The following PHF20 variants were observed in gnomAD, a reference collection of about 807,000 sequenced individuals.
The protein encoded by PHF20 is glioma-expressed antigen 2.
Under a neutral mutation model 113.5 loss-of-function variants are expected in PHF20, and 23 were observed. That is an observed-to-expected ratio of 0.20 (90% CI 0.15 to 0.29). The LOEUF (loss-of-function observed/expected upper bound fraction) is 0.29. Among genes scored for constraint, PHF20 ranks in the 10% least tolerant of loss-of-function variants. The pLI, the probability that PHF20 is intolerant of heterozygous loss-of-function variation, is 1.00. For missense variants in PHF20, 943 were observed against 1,219.6 expected (o/e 0.77, Z 3.38); for synonymous variants, 434 against 457.3 (o/e 0.95, Z 0.65).
chr20:35,819,779 G>A (rs113076011), intron 2 of PHF20, among the ~76,000 whole-genome samples: 1,849 of 152,216 alleles, frequency 0.012, 15 homozygotes, highest in Admixed American at 0.02. Context: ...AGTACTTCAA[G>A]ATGTTCAGAG....
rs183733610 is a variant in PHF20 at position 35,940,888 on chromosome 20, G to C, written c.2737G>C (p.Ala913Pro). Residue 913 changes from alanine (A) to proline (P), a missense_variant, in exon 17 of 18, where the codon GCC becomes CCC. Physicochemically the swap from Ala to Pro is conservative, Grantham distance 27. Transcript: ENST00000374012. ...GGTGAAGGAATATGTCTCCAAAAAG[G>C]CCCTACCAGAAGAAGCCCCTGCTCG... ...PKVKEYVSKK[A>P]LPEEAPARKL... The C allele has an allele frequency of 1.9e-6, 3 of 1,613,876 alleles. No homozygotes were observed. The highest frequency in any genetic ancestry group is 2.5e-6 in the Non-Finnish European group (3 of 1,179,904).
At chr20:35,860,237 AT>A (rs34253757) in intron 5 of PHF20, among the ~76,000 whole-genome samples, 18,155 of 129,696 alleles carry the variant, frequency 0.14, 829 homozygotes, top group Middle Eastern at 0.17. Flanking sequence ...TTTCTAAGAA[AT>A]TTTTTTTTTT....
At chr20:35,794,247 C>T (rs1179080603) in intron 1 of PHF20, among the ~76,000 whole-genome samples, 1 of 151,010 alleles carries the variant, frequency 6.6e-6, no homozygotes, top group African/African-American at 2.4e-5. Flanking sequence ...TTGCAGTGAG[C>T]CGAGATCGTG....
chr20:35,799,121 T>C (rs1388271103), intron 1 of PHF20, among the ~76,000 whole-genome samples: 1 of 152,044 alleles, frequency 6.6e-6, no homozygotes, highest in Non-Finnish European at 1.5e-5. Context: ...GCTCTGGCAG[T>C]GCTCTGGCAT....
At chr20:35,780,506 A>T (rs1473009824) in intron 1 of PHF20, among the ~76,000 whole-genome samples, 1 of 150,544 alleles carries the variant, frequency 6.6e-6, no homozygotes, top group East Asian at 2.0e-4. Flanking sequence ...GATTACAGGC[A>T]TGAGCCACCA....
intron 1 of PHF20, among the ~76,000 whole-genome samples, chr20:35,786,518 A>G (rs1269193440): frequency 6.6e-6 from 1 of 152,126 alleles, no homozygotes; most frequent in Non-Finnish European, 1.5e-5. Context: ...GCTGGCCAAC[A>G]TGGTGAAACC....
intron 17 of PHF20, among the ~76,000 whole-genome samples, chr20:35,941,771 A>G (rs955295060): frequency 3.3e-5 from 5 of 152,238 alleles, no homozygotes; most frequent in Non-Finnish European, 5.9e-5. Context: ...TACATGAAAT[A>G]ACTCAGGAGA....
intron 1 of PHF20, among the ~76,000 whole-genome samples, chr20:35,787,529 C>T (rs1308542311): frequency 6.8e-6 from 1 of 146,860 alleles, no homozygotes; most frequent in Admixed American, 7.0e-5. Flanking sequence ...CGCTCTGTCT[C>T]CCTGGCTGGA....
At chr20:35,917,832 C>T (rs2055436385) in intron 13 of PHF20, among the ~76,000 whole-genome samples, 170 bp downstream of exon 13, 4 of 152,130 alleles carry the variant, frequency 2.6e-5, no homozygotes, top group African/African-American at 7.2e-5. Flanking sequence ...TCCAGGCTGC[C>T]ATACATAGTC....
intron 2 of PHF20, among the ~76,000 whole-genome samples, chr20:35,828,011 T>TTTTA (rs144459460): frequency 7.2e-4 from 109 of 151,736 alleles, no homozygotes; most frequent in Middle Eastern, 3.4e-3. Context: ...CACTCATTAG[T>TTTTA]TTTATTTATT....
At chr20:35,919,702 G>A (rs1359115938) in intron 13 of PHF20, among the ~76,000 whole-genome samples, 1 of 152,022 alleles carries the variant, frequency 6.6e-6, no homozygotes, top group Admixed American at 6.6e-5. Context: ...TTTATTTCTT[G>A]AAACATTGGG....
intron 2 of PHF20, among the ~76,000 whole-genome samples, chr20:35,813,252 G>C (rs569898294): frequency 4.5e-4 from 68 of 152,020 alleles, no homozygotes; most frequent in African/African-American, 1.5e-3. Context: ...TTACAGGCGC[G>C]GTGAGCCACC....
At chr20:35,915,409 CAG>C (rs1472469815) in intron 12 of PHF20, among the ~76,000 whole-genome samples, 3 of 151,618 alleles carry the variant, frequency 2.0e-5, no homozygotes, top group African/African-American at 4.8e-5. Flanking sequence ...GTTTTTGAGA[CAG>C]AGTCTCACTC....
chr20:35,853,215 C>G (rs1297960301), intron 4 of PHF20: 1 of 122,782 alleles, frequency 8.1e-6, no homozygotes, highest in Non-Finnish European at 1.6e-5. Context: ...GAGCAAGACT[C>G]GTCTCAAAAA....
intron 2 of PHF20, among the ~76,000 whole-genome samples, chr20:35,807,039 C>T (rs559197920): frequency 1.1e-4 from 16 of 152,194 alleles, no homozygotes; most frequent in Admixed American, 7.9e-4. Context: ...TTGTGATCTG[C>T]CCGCCTTGGC....
At chr20:35,872,405 C>T (rs1357948241) in intron 9 of PHF20, among the ~76,000 whole-genome samples, 1 of 152,054 alleles carries the variant, frequency 6.6e-6, no homozygotes, top group Non-Finnish European at 1.5e-5. Flanking sequence ...CACCTGTAGT[C>T]CCAGCTACTC....
intron 2 of PHF20, among the ~76,000 whole-genome samples, chr20:35,824,598 T>A (rs1359276976): frequency 1.3e-5 from 2 of 150,628 alleles, no homozygotes; most frequent in Non-Finnish European, 3.0e-5. Flanking sequence ...AGAGTGAGAC[T>A]CTGTCTCAAA....
At chr20:35,811,834 G>A (rs1383513940) in intron 2 of PHF20, among the ~76,000 whole-genome samples, 1 of 151,346 alleles carries the variant, frequency 6.6e-6, no homozygotes, top group Non-Finnish European at 1.5e-5. Flanking sequence ...GCAGTGGCTC[G>A]ATCTCTGCTC....
chr20:35,941,624 C>T (rs956671836), intron 17 of PHF20, among the ~76,000 whole-genome samples: 5 of 152,170 alleles, frequency 3.3e-5, no homozygotes, highest in Middle Eastern at 3.4e-3. Flanking sequence ...AGGAAGTTGA[C>T]GGTTTTGGTT....
Sources: allele counts gnomAD v4.1 joint callset (sites outside exome capture counted in the v4.1 genomes callset), GRCh38; gene constraint gnomAD v4.1.1; transcripts MANE v1.5; gene names NCBI Gene and HGNC (gene_info 2026-07-23, HGNC 2026-07-21).